The following ZEB2 variants were observed in gnomAD, a reference collection of about 807,000 sequenced individuals.
The protein encoded by ZEB2 is zinc finger E-box binding homeobox 2, also known as zinc finger E-box-binding homeobox 2.
A neutral mutation model predicts 99.9 loss-of-function variants in ZEB2; 6 were observed. The observed-to-expected ratio is 0.06, with a 90% CI of 0.03 to 0.12. The LOEUF (loss-of-function observed/expected upper bound fraction) is 0.12, where lower values mean the gene tolerates loss of function less well. ZEB2 is among the 10% of genes least tolerant of loss of function. The probability of loss-of-function intolerance (pLI) is 1.00; values close to 1 mark genes in which losing one functional copy is unlikely to be tolerated. For synonymous variants in ZEB2, 517 were observed against 542.5 expected (o/e 0.95, Z 0.65); for missense variants, 969 against 1,502.8 (o/e 0.64, Z 5.87).
At chr2:144,403,425 C>T (rs1253585106) in intron 6 of ZEB2, among the ~76,000 whole-genome samples, 1 of 151,864 alleles carries the variant, frequency 6.6e-6, no homozygotes, top group African/African-American at 2.4e-5. Flanking sequence ...CCTTAAAACA[C>T]TTAATCAGAT....
intron 2 of ZEB2, among the ~76,000 whole-genome samples, chr2:144,476,106 C>T (rs139139641): frequency 6.6e-6 from 1 of 152,260 alleles, no homozygotes; most frequent in African/African-American, 2.4e-5. Flanking sequence ...CTTACTGCTC[C>T]TGTGTACTAA....
At chr2:144,412,909 C>T (rs1254295991) in intron 4 of ZEB2, among the ~76,000 whole-genome samples, 1 of 152,142 alleles carries the variant, frequency 6.6e-6, no homozygotes, top group Non-Finnish European at 1.5e-5. Context: ...GTCACCAGCA[C>T]CTAGCATAGT....
At chr2:144,491,207 G>A (rs559207295) in intron 2 of ZEB2, among the ~76,000 whole-genome samples, 2 of 152,366 alleles carry the variant, frequency 1.3e-5, no homozygotes, top group Admixed American at 1.3e-4. Flanking sequence ...CCTAGCAGCA[G>A]CTCCATTTTC....
chr2:144,513,498 T>C, intron 2 of ZEB2: 1 of 1,523,522 alleles, frequency 6.6e-7, no homozygotes, highest in Non-Finnish European at 8.8e-7. Context: ...AATTCAGTTT[T>C]TCTTTAAAAG....
chr2:144,508,378 G>A (rs1704981062), intron 2 of ZEB2, among the ~76,000 whole-genome samples: 2 of 152,152 alleles, frequency 1.3e-5, no homozygotes, highest in Admixed American at 1.3e-4. Flanking sequence ...AAATCACCAG[G>A]AGGCTGTGAC....
intron 2 of ZEB2, among the ~76,000 whole-genome samples, chr2:144,467,139 G>T (rs1204012207): frequency 6.6e-6 from 1 of 151,008 alleles, no homozygotes. Flanking sequence ...ATGTTCAGAT[G>T]TGTGATTATA....
At chr2:144,401,124 A>C (rs1240713638) in intron 7 of ZEB2, 75 bp downstream of exon 7, 7 of 1,371,494 alleles carry the variant, frequency 5.1e-6, no homozygotes, top group Non-Finnish European at 6.2e-6. Flanking sequence ...GGACTGTGTA[A>C]ATTTTAAACA....
chr2:144,412,948 T>C (rs1703485593), intron 4 of ZEB2, among the ~76,000 whole-genome samples: 1 of 152,202 alleles, frequency 6.6e-6, no homozygotes, highest in Non-Finnish European at 1.5e-5. Flanking sequence ...ATGCAATAAT[T>C]GAATGATTAG....
At chr2:144,424,769 G>C (rs1353120265) in intron 4 of ZEB2, 27 bp downstream of exon 4, 2 of 1,613,694 alleles carry the variant, frequency 1.2e-6, no homozygotes. Context: ...GGACAAATGT[G>C]ATCTGAGCGT....
At position 144,497,993 on chromosome 2, in the gene ZEB2, T is replaced by TTATATATTATATAATATATATTAATAA. The variant is rs1704800936; in HGVS notation, c.73+19284_73+19285insTTATTAATATATATTATATAATATATA. 1.4e-3 allele frequency among the ~76,000 whole-genome samples: 3 copies of TTATATATTATATAATATATATTAATAA among 2,170 alleles called. 1 individual carries two copies. The highest frequency in any genetic ancestry group is 1.9e-3 in the Non-Finnish European group (2 of 1,032). 1.4% of individuals were successfully genotyped at this position (2,170 alleles called of 152,430 possible). ...TTATATATTATATAATATATTAATA[T>TTATATATTATATAATATATATTAATAA]TATATATTATATAATATATTAATAT... On this transcript the variant is annotated intron_variant, in intron 2 of 9. Transcript: ENST00000627532.
At chr2:144,503,918 A>G (rs1291504785) in intron 2 of ZEB2, 2 of 152,054 alleles carry the variant, frequency 1.3e-5, no homozygotes, top group Admixed American at 1.3e-4. Flanking sequence ...AATTTTTGCT[A>G]CTTGTACTGG....
intron 2 of ZEB2, among the ~76,000 whole-genome samples, chr2:144,431,714 G>A (rs1228709320): frequency 6.7e-6 from 1 of 149,290 alleles, no homozygotes; most frequent in Non-Finnish European, 1.5e-5. Context: ...GTGTGGTCCA[G>A]ATATACCTTA....
chr2:144,491,327 T>C (rs538258804), intron 2 of ZEB2, among the ~76,000 whole-genome samples: 2 of 145,500 alleles, frequency 1.4e-5, no homozygotes, highest in Non-Finnish European at 3.0e-5. Flanking sequence ...AAGATATTCT[T>C]GCCACTTCGT....
At chr2:144,501,878 G>C (rs986008924) in intron 2 of ZEB2, among the ~76,000 whole-genome samples, 6 of 152,188 alleles carry the variant, frequency 3.9e-5, no homozygotes, top group African/African-American at 1.4e-4. Flanking sequence ...AGAGTGTCTT[G>C]CAATCTATGC....
chr2:144,408,315 A>G (rs1363929385), intron 4 of ZEB2, among the ~76,000 whole-genome samples: 1 of 152,200 alleles, frequency 6.6e-6, no homozygotes, highest in Non-Finnish European at 1.5e-5. Context: ...AAGGAAGCAT[A>G]AAATAAGATA....
intron 2 of ZEB2, among the ~76,000 whole-genome samples, chr2:144,433,018 A>G (rs1703793611): frequency 6.6e-6 from 1 of 152,294 alleles, no homozygotes; most frequent in Admixed American, 6.5e-5. Flanking sequence ...CAGGTCAAAT[A>G]AGCCACCCTT....
At chr2:144,400,398 T>TTAGA (rs1573717899) in intron 7 of ZEB2, 128 bp from the exon 8 acceptor site, 1 of 1,016,672 alleles carries the variant, frequency 9.8e-7, no homozygotes, top group African/African-American at 1.6e-5. Context: ...TTCTAGGTAC[T>TTAGA]TAGATTAGAA....
chr2:144,395,143 G>A (rs1573712290), intron 9 of ZEB2, among the ~76,000 whole-genome samples: 1 of 151,770 alleles, frequency 6.6e-6, no homozygotes, highest in Non-Finnish European at 1.5e-5. Flanking sequence ...CTACAGGCTT[G>A]AGCTACCACA....
intron 4 of ZEB2, among the ~76,000 whole-genome samples, chr2:144,417,225 T>C (rs756753633): frequency 1.1e-4 from 17 of 152,196 alleles, no homozygotes; most frequent in Non-Finnish European, 2.1e-4. Flanking sequence ...TTCTTGTCAT[T>C]ATGATTTTTT....
Sources: allele counts gnomAD v4.1 joint callset (sites outside exome capture counted in the v4.1 genomes callset), GRCh38; gene constraint gnomAD v4.1.1; transcripts MANE v1.5; gene names NCBI Gene and HGNC (gene_info 2026-07-23, HGNC 2026-07-21).